Variants in HECW2 observed in about 807,000 individuals in gnomAD.
The protein encoded by HECW2 is E3 ubiquitin-protein ligase HECW2.
In HECW2, 61 loss-of-function variants were observed where a neutral mutation model predicts 175.2. The observed-to-expected ratio is 0.35, with a 90% CI of 0.28 to 0.43. The LOEUF (loss-of-function observed/expected upper bound fraction) is 0.43, where lower values mean the gene tolerates loss of function less well. HECW2 is among the 20% of genes least tolerant of loss of function. HECW2 has a pLI of 1.00. For synonymous variants in HECW2, 671 were observed against 731.0 expected (o/e 0.92, Z 1.32); for missense variants, 1,524 against 2,000.5 (o/e 0.76, Z 4.54).
chr2:196,311,548 G>T (rs1293820372), intron 10 of HECW2, among the ~76,000 whole-genome samples: 1 of 152,174 alleles, frequency 6.6e-6, no homozygotes, highest in Non-Finnish European at 1.5e-5. Flanking sequence ...TGTAATCCCA[G>T]CACTTTGGGA....
At chr2:196,436,896 G>A (rs995134758) in intron 1 of HECW2, among the ~76,000 whole-genome samples, 2 of 152,070 alleles carry the variant, frequency 1.3e-5, no homozygotes, top group African/African-American at 4.8e-5. Context: ...TGTATAATTA[G>A]TCTTAACAAA....
In HECW2 at chr2:196,379,735, T is replaced by C. The variant is rs117869805; in HGVS notation, c.293-35971A>G. Among the ~76,000 whole-genome samples, 9 of 150,480 alleles carry C rather than the reference T, an allele frequency of 6.0e-5. No homozygotes were observed. In the East Asian group the frequency reaches 1.8e-3, roughly 29 times the overall value. ...GATTATGGCACCTTAAGGACTTTCCTAAATATGTGCAATTCCTCAATAAAA... is the reference window on the plus strand; with the variant it reads ...GATTATGGCACCTTAAGGACTTTCCCAAATATGTGCAATTCCTCAATAAAA... On this transcript the variant is annotated intron_variant, in intron 2 of 28. Coordinates refer to ENST00000644978, the MANE Select transcript of HECW2 (RefSeq NM_001348768.2).
At chr2:196,375,081 C>A (rs540019977) in intron 2 of HECW2, among the ~76,000 whole-genome samples, 18 of 151,448 alleles carry the variant, frequency 1.2e-4, no homozygotes, top group Admixed American at 1.1e-3. Flanking sequence ...ATTGCTGGAA[C>A]CCAGGAGGCA....
At chr2:196,446,492 C>T (rs1387292012) in intron 1 of HECW2, among the ~76,000 whole-genome samples, 4 of 152,180 alleles carry the variant, frequency 2.6e-5, no homozygotes, top group South Asian at 4.1e-4. Flanking sequence ...GACATCACCT[C>T]TAAGTTGGCA....
chr2:196,546,988 T>C (rs865832359), intron 1 of HECW2, among the ~76,000 whole-genome samples: 3 of 152,166 alleles, frequency 2.0e-5, no homozygotes, highest in Admixed American at 2.0e-4. Flanking sequence ...CGGGAAAGTA[T>C]GACAGCCACT....
At chr2:196,361,284 C>T (rs1389124286) in intron 2 of HECW2, among the ~76,000 whole-genome samples, 2 of 152,152 alleles carry the variant, frequency 1.3e-5, no homozygotes, top group Admixed American at 6.6e-5. Flanking sequence ...AAAAGTGTTG[C>T]TGTAAGACTG....
chr2:196,204,259 G>A (rs1686984263), intron 28 of HECW2, among the ~76,000 whole-genome samples: 1 of 152,140 alleles, frequency 6.6e-6, no homozygotes, highest in Admixed American at 6.6e-5. Flanking sequence ...CATAGTGGCT[G>A]CAACATTTTA....
rs57986215 is a variant in HECW2, at chr2:196,231,724, C to G, written c.3765-3470G>C. Among the ~76,000 whole-genome samples the G allele has an allele frequency of 7.1e-3, 1,077 of 152,344 alleles. 16 individuals are homozygous for G. Among genetic ancestry groups the G allele is most frequent in the African/African-American group, 0.024 (999 of 41,568 alleles). On this transcript the variant is annotated intron_variant, in intron 21 of 28. Coordinates refer to ENST00000644978, the MANE Select transcript of HECW2 (RefSeq NM_001348768.2). ...TAGCTTATGGGCGGGGGCAGTGGCT[C>G]ACGCCTGTAATCCCATCACTTTGGG... is the stretch of plus-strand genomic sequence containing the variant.
At chr2:196,429,895 G>T (rs887308813) in intron 2 of HECW2, among the ~76,000 whole-genome samples, 1 of 152,138 alleles carries the variant, frequency 6.6e-6, no homozygotes, top group Non-Finnish European at 1.5e-5. Context: ...CAAGGTCTGG[G>T]GTGCACATGC....
At chr2:196,302,183 A>C (rs1691088603) in intron 13 of HECW2, among the ~76,000 whole-genome samples, 1 of 152,182 alleles carries the variant, frequency 6.6e-6, no homozygotes, top group African/African-American at 2.4e-5. Context: ...GGTTTGCTGA[A>C]GGTCAAATGG....
chr2:196,477,881 G>A (rs368084971), intron 1 of HECW2, among the ~76,000 whole-genome samples: 15 of 152,084 alleles, frequency 9.9e-5, no homozygotes, highest in African/African-American at 2.9e-4. Context: ...GCGAAACCCC[G>A]TCTCTACTGA....
At chr2:196,536,063 G>A (rs76956367) in intron 1 of HECW2, among the ~76,000 whole-genome samples, 4,272 of 152,178 alleles carry the variant, frequency 0.028, 82 homozygotes, top group Non-Finnish European at 0.041. Context: ...AGAACAACCT[G>A]GAAAGGTAAT....
intron 1 of HECW2, among the ~76,000 whole-genome samples, chr2:196,491,470 G>GTA (rs1365149793): frequency 1.3e-4 from 8 of 60,088 alleles, no homozygotes; most frequent in East Asian, 7.2e-4. Flanking sequence ...TATTAGGTGT[G>GTA]TGTATATATA....
Position 196,482,371 on chromosome 2 carries a change from G to A in HECW2, c.-35-48913C>T, listed in dbSNP as rs530558950. Reference sequence around the variant, plus strand: ...AGGAGCATGCTGCCCTGCTCATGGTGGACAGGCAACTCCAAGGGATTACAA... The same window carrying A: ...AGGAGCATGCTGCCCTGCTCATGGTAGACAGGCAACTCCAAGGGATTACAA... On this transcript the variant is annotated intron_variant, in intron 1 of 28. Coordinates refer to ENST00000644978, the MANE Select transcript of HECW2 (RefSeq NM_001348768.2). Among the ~76,000 whole-genome samples, 30 of 152,336 alleles carry A rather than the reference G, an allele frequency of 2.0e-4. 1 individual carries two copies. In the South Asian group the frequency reaches 6.0e-3, roughly 31 times the overall value.
In HECW2 at chr2:196,384,419, A is replaced by G. The variant is rs140713941; in HGVS notation, c.293-40655T>C. Among the ~76,000 whole-genome samples, 418 of 152,180 alleles carry G rather than the reference A, an allele frequency of 2.7e-3. 5 individuals carry two copies. Among genetic ancestry groups the G allele is most frequent in the African/African-American group, 9.7e-3 (402 of 41,510 alleles). On this transcript the variant is annotated intron_variant, in intron 2 of 28. Coordinates refer to ENST00000644978, the MANE Select transcript of HECW2 (RefSeq NM_001348768.2). ...AATATAGAAAGACCCCATCTCTACA[A>G]AAAAATTTAAAAATTAACCAAGCAT...
rs539254232 is a variant in HECW2 at position 196,392,423 on chromosome 2, T to C, written c.292+40709A>G. Among the ~76,000 whole-genome samples the C allele has an allele frequency of 4.6e-5, 7 of 152,288 alleles. No homozygotes were observed. In the South Asian group the frequency reaches 1.5e-3, roughly 32 times the overall value. On this transcript the variant is annotated intron_variant, in intron 2 of 28. Coordinates refer to ENST00000644978, the MANE Select transcript of HECW2 (RefSeq NM_001348768.2). ...CCTTCTAGTTCTTTGCTTTTAAGTT[T>C]TATATTCCTTAATTAAAATGCTACA...
intron 2 of HECW2, among the ~76,000 whole-genome samples, chr2:196,377,034 T>C (rs1458177921): frequency 6.6e-6 from 1 of 152,186 alleles, no homozygotes; most frequent in Non-Finnish European, 1.5e-5. Context: ...ATAAAAATTA[T>C]TGTTTGATCA....
chr2:196,477,025 C>T (rs1686653987), intron 1 of HECW2, among the ~76,000 whole-genome samples: 2 of 148,232 alleles, frequency 1.3e-5, no homozygotes, highest in Admixed American at 6.7e-5. Flanking sequence ...CACCTGTAAT[C>T]CTAGCTACTT....
At chr2:196,472,871 T>C (rs1290447103) in intron 1 of HECW2, among the ~76,000 whole-genome samples, 5 of 152,248 alleles carry the variant, frequency 3.3e-5, no homozygotes, top group Admixed American at 1.3e-4. Context: ...TCCACCCGCC[T>C]TGGCCTCCCA....
Sources: gnomAD v4.1 joint callset for allele counts (sites outside exome capture counted in the v4.1 genomes callset) on GRCh38, gnomAD v4.1.1 for gene constraint, MANE v1.5 for transcripts, NCBI Gene and HGNC (gene_info 2026-07-23, HGNC 2026-07-21) for gene names.